The following YJU2B variants were observed in gnomAD, a reference collection of about 807,000 sequenced individuals.
YJU2B encodes YJU2 splicing factor homolog B.
In YJU2B, 18 loss-of-function variants were observed where a neutral mutation model predicts 38.0. That is an observed-to-expected ratio of 0.47 (90% CI 0.33 to 0.70). The LOEUF is 0.70. Ranked by LOEUF, YJU2B falls within the 30% of genes least tolerant of loss-of-function variation. YJU2B has a pLI of 0.02. For synonymous variants in YJU2B, 246 were observed against 225.4 expected (o/e 1.09, Z -0.82); for missense variants, 538 against 556.3 (o/e 0.97, Z 0.33).
At chr19:13,736,254 C>CTTTTTTT (rs60385996) in intron 2 of YJU2B, among the ~76,000 whole-genome samples, 18 of 104,238 alleles carry the variant, frequency 1.7e-4, no homozygotes, top group African/African-American at 2.7e-4. Context: ...TTCTTTCTTT[C>CTTTTTTT]TTTTTTTTTT....
upstream of YJU2B, among the ~76,000 whole-genome samples, chr19:13,745,631 A>T (rs1329941836): frequency 6.8e-6 from 1 of 147,748 alleles, no homozygotes; most frequent in Non-Finnish European, 1.5e-5. Context: ...AGCCTGAGCA[A>T]CAAGAGCAAA....
At chr19:13,736,254 C>CTTTTTTTTTTTTTT (rs60385996) in intron 2 of YJU2B, among the ~76,000 whole-genome samples, 9 of 104,234 alleles carry the variant, frequency 8.6e-5, no homozygotes, top group African/African-American at 2.0e-4. Context: ...TTCTTTCTTT[C>CTTTTTTTTTTTTTT]TTTTTTTTTT....
At chr19:13,753,408 C>A (rs1973543716) in intron 2 of YJU2B, among the ~76,000 whole-genome samples, 1 of 151,940 alleles carries the variant, frequency 6.6e-6, no homozygotes, top group Non-Finnish European at 1.5e-5. Context: ...TTTGTCTGTA[C>A]TAAAAATACA....
chr19:13,741,151 CTT>C (rs71170552), intron 2 of YJU2B, among the ~76,000 whole-genome samples: 90 of 100,814 alleles, frequency 8.9e-4, no homozygotes, highest in Middle Eastern at 6.2e-3. Flanking sequence ...TTATAGATTT[CTT>C]TTTTTTTTTT....
intron 6 of YJU2B, 120 bp from the exon 7 acceptor site, chr19:13,758,744 CAGTG>C (rs1243073214): frequency 7.5e-5 from 88 of 1,176,164 alleles, no homozygotes; most frequent in Middle Eastern, 4.1e-4. Context: ...ACACGGCACA[CAGTG>C]GGTGCTCAGT....
chr19:13,738,618 G>A (rs1453078477), intron 2 of YJU2B, among the ~76,000 whole-genome samples: 6 of 151,932 alleles, frequency 3.9e-5, no homozygotes, highest in Middle Eastern at 3.4e-3. Flanking sequence ...AAAGCCGGGC[G>A]TGGTGGCTCA....
chr19:13,732,163 C>T (rs1713892198), intron 1 of YJU2B: 1 of 152,076 alleles, frequency 6.6e-6, no homozygotes, highest in Non-Finnish European at 1.5e-5. Context: ...TATTATTGTT[C>T]TTATTTTACA....
At position 13,738,430 on chromosome 19, in the gene YJU2B, CAG is replaced by C. The variant is rs540027215; in HGVS notation, c.-202+6147_-202+6148del. Among the ~76,000 whole-genome samples, 12 of 152,286 alleles carry C rather than the reference CAG, an allele frequency of 7.9e-5. No homozygotes were observed. The South Asian group carries it at 2.5e-3, about 32-fold the overall frequency. ...CTCTTTTGACTGACTGCTTACCTAA[CAG>C]AAGTTTCTTGTGTTGAGTTCCTTTG... On this transcript the variant is annotated intron_variant, in intron 2 of 10. Transcript: ENST00000586600.
chr19:13,738,529 C>T (rs1321320123), intron 2 of YJU2B, among the ~76,000 whole-genome samples: 15 of 152,146 alleles, frequency 9.9e-5, no homozygotes, highest in Admixed American at 4.6e-4. Context: ...AAGGCCAAGG[C>T]GGGCGGATCA....
chr19:13,735,446 C>A (rs1481866546), intron 2 of YJU2B, among the ~76,000 whole-genome samples: 2 of 152,054 alleles, frequency 1.3e-5, no homozygotes, highest in Admixed American at 1.3e-4. Flanking sequence ...TAAGGACTTA[C>A]AAACACCCAG....
chr19:13,759,393 C>T (rs751177223), intron 8 of YJU2B, 121 bp downstream of exon 8: 21 of 738,712 alleles, frequency 2.8e-5, no homozygotes, highest in Middle Eastern at 7.7e-4. Flanking sequence ...GCCTCAGTTT[C>T]CCCATCTGCT....
At position 13,751,668 on chromosome 19, in the gene YJU2B, C is replaced by G. The variant is rs1973470546; in HGVS notation, c.-141C>G. 12 of 844,444 alleles carry G rather than the reference C, an allele frequency of 1.4e-5. No individual in the cohort carries two copies. Among genetic ancestry groups the G allele is most frequent in the Non-Finnish European group, 2.3e-5 (12 of 512,512 alleles). The allele number at this position is 844,444 out of a possible 1,614,324, so 52.3% of individuals were successfully genotyped here. On this transcript the variant is annotated 5_prime_UTR_variant, in exon 2 of 10. Coordinates refer to ENST00000221554, the MANE Select transcript of YJU2B (RefSeq NM_030818.4). ...GGAGTCTTGTCTGAGCTGGCACCAC[C>G]ACACGGCCCACGACATCTTCGCAGG...
intron 1 of YJU2B, among the ~76,000 whole-genome samples, chr19:13,749,149 G>A (rs1320197597): frequency 1.3e-5 from 2 of 152,084 alleles, no homozygotes; most frequent in Admixed American, 6.6e-5. Context: ...GATTACAGGC[G>A]TACGCCACCA....
At chr19:13,758,638 A>G (rs73922731) in intron 6 of YJU2B, among the ~76,000 whole-genome samples, 7,347 of 152,286 alleles carry the variant, frequency 0.048, 585 homozygotes, top group African/African-American at 0.17. Flanking sequence ...TGAATGAACA[A>G]ACAGCTGAAT....
chr19:13,752,102 A>C (rs1199365503), intron 2 of YJU2B, among the ~76,000 whole-genome samples: 5 of 152,068 alleles, frequency 3.3e-5, no homozygotes, highest in Non-Finnish European at 7.4e-5. Flanking sequence ...TTCTGGGTTC[A>C]AGCAAGCACG....
chr19:13,738,348 G>A (rs1973007459), intron 2 of YJU2B, among the ~76,000 whole-genome samples: 1 of 152,142 alleles, frequency 6.6e-6, no homozygotes, highest in Admixed American at 6.6e-5. Context: ...GATTGTCACT[G>A]TTATGGATTG....
At chr19:13,750,314 G>A (rs949553591) in intron 1 of YJU2B, among the ~76,000 whole-genome samples, 13 of 152,064 alleles carry the variant, frequency 8.5e-5, no homozygotes, top group African/African-American at 2.2e-4. Flanking sequence ...TGCAACCTCC[G>A]CCTCCCGGTT....
chr19:13,738,362 T>G (rs1973007943), intron 2 of YJU2B, among the ~76,000 whole-genome samples: 1 of 152,234 alleles, frequency 6.6e-6, no homozygotes, highest in Admixed American at 6.5e-5. Context: ...TGGATTGATT[T>G]TCTTCTGATT....
intron 1 of YJU2B, among the ~76,000 whole-genome samples, chr19:13,750,349 C>T (rs767256975): frequency 6.6e-6 from 1 of 152,110 alleles, no homozygotes; most frequent in Non-Finnish European, 1.5e-5. Flanking sequence ...GCCTCAGTTT[C>T]CCGAGTAGCT....
Sources: gnomAD v4.1 joint callset for allele counts (sites outside exome capture counted in the v4.1 genomes callset) on GRCh38, gnomAD v4.1.1 for gene constraint, MANE v1.5 for transcripts, NCBI Gene and HGNC (gene_info 2026-07-23, HGNC 2026-07-21) for gene names.